INTS1: variants seen among roughly 807,000 people sequenced by gnomAD.
INTS1 encodes the protein integrator complex subunit 1.
A neutral mutation model predicts 241.6 loss-of-function variants in INTS1; 137 were observed. That is an observed-to-expected ratio of 0.57 (90% CI 0.49 to 0.65). The LOEUF (loss-of-function observed/expected upper bound fraction) is 0.65, where lower values mean the gene tolerates loss of function less well. INTS1 is among the 30% of genes least tolerant of loss of function. INTS1 has a pLI of 0.00. For synonymous variants in INTS1, 1,692 were observed against 1,337.8 expected (o/e 1.26, Z -5.78); for missense variants, 3,073 against 3,032.2 (o/e 1.01, Z -0.32).
At chr7:1,496,549 TAC>T (rs1228354359) in intron 11 of INTS1, among the ~76,000 whole-genome samples, 1 of 151,494 alleles carries the variant, frequency 6.6e-6, no homozygotes, top group East Asian at 2.0e-4. Context: ...TGCGCACACA[TAC>T]ACACACACAA....
Position 1,482,617 on chromosome 7 carries a change from T to A in INTS1, c.3632A>T (p.Glu1211Val). Residue 1211 changes from glutamate to valine, a missense_variant, in exon 27 of 48, where the codon GAG becomes GTG. Transcript: ENST00000404767. ...CAGCCAGTCAGGAAGCAGCAGCGCCTCCTCCGATGTGTCCACCAGGAAGGC... is the reference window on the plus strand; with the variant it reads ...CAGCCAGTCAGGAAGCAGCAGCGCCACCTCCGATGTGTCCACCAGGAAGGC... Reference protein sequence around the residue: ...PTAFLVDTSEEALLLPDWLKL... With the variant: ...PTAFLVDTSEVALLLPDWLKL... The A allele has an allele frequency of 6.2e-7, 1 of 1,612,856 alleles. No homozygotes were observed. Among genetic ancestry groups the A allele is most frequent in the Non-Finnish European group, 8.5e-7 (1 of 1,179,876 alleles).
chr7:1,492,209 G>C (rs532663472), intron 16 of INTS1, among the ~76,000 whole-genome samples: 10 of 152,340 alleles, frequency 6.6e-5, no homozygotes, highest in Admixed American at 5.2e-4. Flanking sequence ...GTCAGCAGGG[G>C]AGCGGAAGCA....
chr7:1,487,310 C>T lies in INTS1; in HGVS notation c.2646+10G>A, dbSNP rs182760354. The stretch of plus-strand genomic sequence containing the variant: ...CCACCATCTCTACCTCCTGGAGCCT[C>T]GGCACTCACCTGCCGCTGGATGATG... On this transcript the variant is annotated intron_variant, in intron 20 of 47. Coordinates refer to ENST00000404767, the MANE Select transcript of INTS1 (RefSeq NM_001080453.3). The T allele has an allele frequency of 4.4e-4, 693 of 1,582,596 alleles. 1 individual carries two copies. In the African/African-American group the frequency reaches 8.4e-3, roughly 19 times the overall value.
Position 1,498,711 on chromosome 7 carries a change from T to C in INTS1, c.1279A>G (p.Ile427Val). 6.5e-7 allele frequency: 1 copy of C among 1,530,682 alleles called. No individual in the cohort carries two copies. The highest frequency in any genetic ancestry group is 1.2e-5 in the South Asian group (1 of 83,740). The allele number at this position is 1,530,682 out of a possible 1,614,324, so 94.8% of individuals were successfully genotyped here. A position where few individuals can be genotyped will look rare whatever the true frequency, so the allele number is the denominator to read the frequency against. Residue 427 changes from isoleucine to valine, a missense_variant, in exon 9 of 48, where the codon ATC becomes GTC. Physicochemically the swap from Ile to Val is conservative, Grantham distance 29. Coordinates refer to ENST00000404767, the MANE Select transcript of INTS1 (RefSeq NM_001080453.3). ...KVLLNHFMLCIRELLSAHKDN... is the reference protein window; with the variant it reads ...KVLLNHFMLCVRELLSAHKDN... ...CTGCCCCGGCTCGCCACGCACCTGATGCACAGCATGAAGTGGTTGAGGAGG... is the reference window on the plus strand; with the variant it reads ...CTGCCCCGGCTCGCCACGCACCTGACGCACAGCATGAAGTGGTTGAGGAGG...
chr7:1,475,819 C>T lies in INTS1; in HGVS notation c.5502+129G>A, dbSNP rs568222892. ...CAGACAAACCCACAGGGCCACAGGGCGGCGCGGACTGGGAAGGGGCAAGAG... is the reference window on the plus strand; with the variant it reads ...CAGACAAACCCACAGGGCCACAGGGTGGCGCGGACTGGGAAGGGGCAAGAG... On this transcript the variant is annotated intron_variant, in intron 39 of 47. Transcript: ENST00000404767. The T allele has an allele frequency of 2.8e-4, 330 of 1,172,292 alleles. 1 individual carries two copies. The highest frequency in any genetic ancestry group is 1.0e-3 in the African/African-American group (66 of 65,350). The allele number at this position is 1,172,292 out of a possible 1,614,324, so 72.6% of individuals were successfully genotyped here. A position where few individuals can be genotyped will look rare whatever the true frequency, so the allele number is the denominator to read the frequency against.
chr7:1,500,433 C>G (rs1783116054), intron 3 of INTS1, 67 bp from the exon 4 acceptor site: 1 of 1,432,126 alleles, frequency 7.0e-7, no homozygotes, highest in Non-Finnish European at 9.2e-7. Context: ...CTCGGGACAC[C>G]GGGAAGACCA....
At chr7:1,494,638 C>A (rs773919605) in intron 14 of INTS1, 178 bp downstream of exon 14, 11 of 666,580 alleles carry the variant, frequency 1.7e-5, no homozygotes, top group Non-Finnish European at 2.6e-5. Context: ...GGCGCTGGGA[C>A]GCCAGCATGG....
chr7:1,483,717 C>T, intron 26 of INTS1, 25 bp downstream of exon 26: 1 of 1,590,206 alleles, frequency 6.3e-7, no homozygotes, highest in African/African-American at 1.3e-5. Flanking sequence ...CGAAGCTGCC[C>T]CTCCCGGGGC....
chr7:1,494,944 A>C, intron 13 of INTS1, 51 bp from the exon 14 acceptor site: 1 of 1,543,060 alleles, frequency 6.5e-7, no homozygotes, highest in Non-Finnish European at 8.7e-7. Flanking sequence ...CTCAGGGACC[A>C]GCCCCGTTAG....
Position 1,499,343 on chromosome 7 carries a change from AG to A in INTS1, c.861del (p.Ser288ProfsTer13). The A allele has an allele frequency of 1.3e-6, 2 of 1,594,430 alleles. No homozygotes were observed. The highest frequency in any genetic ancestry group is 1.7e-6 in the Non-Finnish European group (2 of 1,170,094). ...GDLGAGSSPH[P>X]SLTEEEDSQT... is the part of the protein sequence containing the mutation. ...TGGCTGTCCTCCTCCTCCGTGAGGG[AG>A]GGGTGTGGGCTGCTCCCTGCAAACC... On this transcript the variant is annotated frameshift_variant, in exon 7 of 48. Transcript: ENST00000404767. LOFTEE classifies it high-confidence loss of function.
At position 1,493,313 on chromosome 7, in the gene INTS1, T is replaced by C. The variant is rs1321056529; in HGVS notation, c.2069-207A>G. On this transcript the variant is annotated intron_variant, in intron 15 of 47. Coordinates refer to ENST00000404767, the MANE Select transcript of INTS1 (RefSeq NM_001080453.3). The surrounding 1 kb of genome is among the most constrained non-coding windows in gnomAD (Gnocchi z 5.3). The stretch of plus-strand genomic sequence containing the variant: ...TGCTCTCGGGGACACCTGGGCTGGG[T>C]CTAGAGAGCAGGCAGGGCTGCCAAG... 6.6e-6 allele frequency among the ~76,000 whole-genome samples: 1 copy of C among 151,112 alleles called. No individual in the cohort carries two copies. Among genetic ancestry groups the C allele is most frequent in the African/African-American group, 2.4e-5 (1 of 40,984 alleles).
In INTS1 at chr7:1,489,618, C is replaced by T. The variant is rs751215387; in HGVS notation, c.2230G>A (p.Val744Ile). ...YWKAWPLLLV[V>I]AAFNPENIGL... ...ATGTTCTCTGGGTTGAATGCGGCGA[C>T]GACCAGCAGGAGGGGCCAGGCCTTC... The change falls in exon 17 of 48, where the codon GTC becomes ATC. Residue 744 changes from valine to isoleucine, a missense_variant. Val to Ile is a conservative substitution (Grantham distance 29). Coordinates refer to ENST00000404767, the MANE Select transcript of INTS1 (RefSeq NM_001080453.3). 15 of 1,589,388 alleles carry T rather than the reference C, an allele frequency of 9.4e-6. No homozygotes were observed. Among genetic ancestry groups the T allele is most frequent in the Admixed American group, 1.7e-5 (1 of 57,654 alleles).
chr7:1,486,507 T>G, intron 22 of INTS1, 118 bp downstream of exon 22: 1 of 1,150,240 alleles, frequency 8.7e-7, no homozygotes, highest in Non-Finnish European at 1.2e-6. Context: ...TCAGGTAATC[T>G]GCCTGCCTTG....
At position 1,479,436 on chromosome 7, in the gene INTS1, C is replaced by T. The variant is rs1041673090; in HGVS notation, c.4323G>A (p.Gln1441=). The change falls in exon 31 of 48, where the codon CAG becomes CAA. Residue 1441 remains glutamine (Q), a synonymous_variant. Transcript: ENST00000404767. ...LACPLLRQLC[Q]YQRCVPQDTG... ...GAGGCCCACGCCCAAGTACCTGGTACTGGCAGAGCTGGCGCAGCAGCGGGC... is the reference window on the plus strand; with the variant it reads ...GAGGCCCACGCCCAAGTACCTGGTATTGGCAGAGCTGGCGCAGCAGCGGGC... The T allele has an allele frequency of 1.9e-6, 3 of 1,576,700 alleles. No individual in the cohort carries two copies. Among genetic ancestry groups the T allele is most frequent in the Admixed American group, 1.8e-5 (1 of 55,538 alleles).
In INTS1 at chr7:1,478,468, AGGCCAGGGCCTC is replaced by A. The variant is rs903328862; in HGVS notation, c.4516_4527del (p.Glu1506_Ala1509del). 12 of 1,612,090 alleles carry A rather than the reference AGGCCAGGGCCTC, an allele frequency of 7.4e-6. No homozygotes were observed. The highest frequency in any genetic ancestry group is 1.0e-5 in the Non-Finnish European group (12 of 1,179,720). ...CTGACCACCTCCAGGTCCTGACGGA[AGGCCAGGGCCTC>A]GGCCAGGCGCAGGAGCCCCCCTCGC... On this transcript the variant is annotated inframe_deletion, in exon 33 of 48. Coordinates refer to ENST00000404767, the MANE Select transcript of INTS1 (RefSeq NM_001080453.3).
chr7:1,482,319 C>T (rs180751353), intron 27 of INTS1: 2 of 430,790 alleles, frequency 4.6e-6, no homozygotes, highest in Non-Finnish European at 8.2e-6. Flanking sequence ...CTGAGCCTGA[C>T]AGTAAGACCC....
intron 3 of INTS1, among the ~76,000 whole-genome samples, chr7:1,501,626 G>T (rs371393155): frequency 1.3e-5 from 2 of 152,052 alleles, no homozygotes; most frequent in African/African-American, 2.4e-5. Flanking sequence ...ATAAAGCACC[G>T]AGCCGCCGGC....
At chr7:1,488,402 C>A (rs910092082) in intron 18 of INTS1, among the ~76,000 whole-genome samples, 1 of 152,126 alleles carries the variant, frequency 6.6e-6, no homozygotes, top group Non-Finnish European at 1.5e-5. Context: ...AAACCCAGCT[C>A]CCCATGGCCG....
rs1325743204 is a variant in INTS1 at position 1,497,648 on chromosome 7, G to A, written c.1426-334C>T. 6.6e-6 allele frequency among the ~76,000 whole-genome samples: 1 copy of A among 152,220 alleles called. No homozygotes were observed. Among genetic ancestry groups the A allele is most frequent in the Non-Finnish European group, 1.5e-5 (1 of 68,044 alleles). Reference sequence around the variant, plus strand: ...TCAGCCCACCCGTGCGCCACGGGCTGAACGGAAACCAAAGGCCACCACCCA... The same window carrying A: ...TCAGCCCACCCGTGCGCCACGGGCTAAACGGAAACCAAAGGCCACCACCCA... On this transcript the variant is annotated intron_variant, in intron 10 of 47. Coordinates refer to ENST00000404767, the MANE Select transcript of INTS1 (RefSeq NM_001080453.3). This position sits in a 1 kb window ranked among gnomAD's most constrained non-coding sequence, Gnocchi z 5.3.
Sources: gnomAD v4.1 joint callset for allele counts (sites outside exome capture counted in the v4.1 genomes callset) on GRCh38, gnomAD v4.1.1 for gene constraint, Gnocchi (gnomAD v3.1) non-coding constraint, MANE v1.5 for transcripts, NCBI Gene and HGNC (gene_info 2026-07-23, HGNC 2026-07-21) for gene names.